PALM2AKAP2: variants seen among roughly 807,000 people sequenced by gnomAD.
PALM2AKAP2 encodes PALM2 and AKAP2 fusion, also known as PALM2-AKAP2 fusion protein.
Under a neutral mutation model 71.5 loss-of-function variants are expected in PALM2AKAP2, and 37 were observed. The observed-to-expected ratio is 0.52, with a 90% confidence interval of 0.40 to 0.68. The LOEUF is 0.68. Among genes scored for constraint, PALM2AKAP2 ranks in the 30% least tolerant of loss-of-function variants. PALM2AKAP2 has a pLI of 0.00. For missense variants in PALM2AKAP2, 1,224 were observed against 1,191.8 expected (o/e 1.03, Z -0.40); for synonymous variants, 468 against 478.8 (o/e 0.98, Z 0.29).
chr9:109,788,859 G>A (rs1483279846), intron 1 of PALM2AKAP2, among the ~76,000 whole-genome samples: 2 of 152,174 alleles, frequency 1.3e-5, no homozygotes, highest in Non-Finnish European at 2.9e-5. Context: ...GATCGCTTAA[G>A]CCCAGGAGTT....
chr9:110,159,975 T>A (rs1363439769), intron 3 of PALM2AKAP2, among the ~76,000 whole-genome samples: 1 of 152,214 alleles, frequency 6.6e-6, no homozygotes. Flanking sequence ...TGGGCTGATT[T>A]CTTTGTCCTG....
At chr9:109,865,096 CTTTTTTT>C (rs58922983) in intron 1 of PALM2AKAP2, among the ~76,000 whole-genome samples, 10 of 75,638 alleles carry the variant, frequency 1.3e-4, no homozygotes, top group Admixed American at 4.2e-4. Context: ...CTACTCATTC[CTTTTTTT>C]TTTTTTTTTT....
chr9:109,656,385 A>G (rs561487055), intron 1 of PALM2AKAP2, among the ~76,000 whole-genome samples: 1 of 152,160 alleles, frequency 6.6e-6, no homozygotes, highest in African/African-American at 2.4e-5. Flanking sequence ...GCAGAGGAAG[A>G]ATAAAAACAT....
At chr9:109,838,207 C>T (rs1465764269) in intron 1 of PALM2AKAP2, among the ~76,000 whole-genome samples, 1 of 152,202 alleles carries the variant, frequency 6.6e-6, no homozygotes, top group Non-Finnish European at 1.5e-5. Flanking sequence ...CAAACTAGAA[C>T]TCAAGATTAA....
At position 109,861,709 on chromosome 9, in the gene PALM2AKAP2, A is replaced by G. The variant is rs111735003; in HGVS notation, c.46-5782A>G. Reference sequence around the variant, plus strand: ...CCTTTCTCCCCAGAATAAGCTTTCCATGATTCTTTCCCAGAATTAGCCTTT... The same window carrying G: ...CCTTTCTCCCCAGAATAAGCTTTCCGTGATTCTTTCCCAGAATTAGCCTTT... On this transcript the variant is annotated intron_variant, in intron 1 of 9. Coordinates refer to the PALM2AKAP2 transcript ENST00000302798. 5.3e-4 allele frequency among the ~76,000 whole-genome samples: 81 copies of G among 152,298 alleles called. 2 individuals carry two copies. The highest frequency in any genetic ancestry group is 1.8e-3 in the African/African-American group (75 of 41,564).
At chr9:109,716,378 T>C (rs990344256) in intron 1 of PALM2AKAP2, among the ~76,000 whole-genome samples, 4 of 152,170 alleles carry the variant, frequency 2.6e-5, no homozygotes, top group African/African-American at 7.2e-5. Flanking sequence ...TGGTTGTCTA[T>C]TGTCTGGATC....
chr9:109,969,851 C>T (rs1279575371), intron 6 of PALM2AKAP2, among the ~76,000 whole-genome samples: 1 of 152,084 alleles, frequency 6.6e-6, no homozygotes, highest in Non-Finnish European at 1.5e-5. Flanking sequence ...AAGTGCACCC[C>T]TCCCCGAACC....
chr9:109,952,294 C>CA (rs35473653), intron 6 of PALM2AKAP2, among the ~76,000 whole-genome samples: 16 of 150,658 alleles, frequency 1.1e-4, no homozygotes, highest in African/African-American at 3.9e-4. Context: ...GTAAGTGCTC[C>CA]AAAAAAAAAG....
chr9:109,757,708 C>G (rs752632289), intron 1 of PALM2AKAP2, among the ~76,000 whole-genome samples: 4 of 152,002 alleles, frequency 2.6e-5, no homozygotes, highest in Admixed American at 6.6e-5. Flanking sequence ...CGACAGCTTA[C>G]TAGATCTTAG....
At chr9:110,010,891 G>A (rs1028999263) in intron 6 of PALM2AKAP2, among the ~76,000 whole-genome samples, 14 of 147,308 alleles carry the variant, frequency 9.5e-5, no homozygotes, top group African/African-American at 3.2e-4. Flanking sequence ...AGCTACTCAG[G>A]AGGCTGAGGC....
At chr9:109,655,601 T>C (rs1827292717) in intron 1 of PALM2AKAP2, among the ~76,000 whole-genome samples, 1 of 152,024 alleles carries the variant, frequency 6.6e-6, no homozygotes, top group Non-Finnish European at 1.5e-5. Flanking sequence ...ATCTCCCTAT[T>C]CTCCCCACCC....
At chr9:109,845,491 C>T (rs1828829819) in intron 1 of PALM2AKAP2, among the ~76,000 whole-genome samples, 1 of 152,204 alleles carries the variant, frequency 6.6e-6, no homozygotes, top group African/African-American at 2.4e-5. Flanking sequence ...TAGAGGCCTC[C>T]AGTGAGCAGA....
intron 1 of PALM2AKAP2, among the ~76,000 whole-genome samples, chr9:110,062,123 T>C (rs1833978865): frequency 6.6e-6 from 1 of 152,238 alleles, no homozygotes; most frequent in Non-Finnish European, 1.5e-5. Context: ...AGGATACATG[T>C]GCAGGACCTA....
intron 1 of PALM2AKAP2, among the ~76,000 whole-genome samples, chr9:109,740,264 G>T (rs539289553): frequency 4.6e-5 from 7 of 152,348 alleles, no homozygotes; most frequent in African/African-American, 1.7e-4. Flanking sequence ...TTTCATTCCA[G>T]GGAAAAGGGA....
At chr9:109,928,294 A>G (rs1376429897) in intron 5 of PALM2AKAP2, among the ~76,000 whole-genome samples, 1 of 152,170 alleles carries the variant, frequency 6.6e-6, no homozygotes. Context: ...AAGAGTTTTC[A>G]TCAATTTGTT....
intron 1 of PALM2AKAP2, among the ~76,000 whole-genome samples, chr9:109,657,303 T>C (rs1328933413): frequency 1.3e-5 from 2 of 152,260 alleles, no homozygotes; most frequent in African/African-American, 4.8e-5. Context: ...TGAAATATCA[T>C]GACTGATTGG....
chr9:109,679,298 A>G (rs1827691432), intron 1 of PALM2AKAP2, among the ~76,000 whole-genome samples: 1 of 152,208 alleles, frequency 6.6e-6, no homozygotes, highest in Non-Finnish European at 1.5e-5. Context: ...GACAAGTGGT[A>G]TGAGAACAAG....
At chr9:109,801,294 C>T (rs1362734708) in intron 1 of PALM2AKAP2, among the ~76,000 whole-genome samples, 1 of 152,102 alleles carries the variant, frequency 6.6e-6, no homozygotes, top group Non-Finnish European at 1.5e-5. Flanking sequence ...AACCTAGAAC[C>T]CAGCCTTGCA....
At chr9:110,147,954 T>A (rs1156578541) in intron 2 of PALM2AKAP2, among the ~76,000 whole-genome samples, 1 of 152,174 alleles carries the variant, frequency 6.6e-6, no homozygotes, top group Non-Finnish European at 1.5e-5. Context: ...AGGTCAGGAA[T>A]AATGAGTTTT....
Sources: gnomAD v4.1 joint callset for allele counts (sites outside exome capture counted in the v4.1 genomes callset) on GRCh38, gnomAD v4.1.1 for gene constraint, MANE v1.5 for transcripts, NCBI Gene and HGNC (gene_info 2026-07-23, HGNC 2026-07-21) for gene names.